AVEN: variants seen among roughly 807,000 people sequenced by gnomAD.
AVEN encodes the protein apoptosis and caspase activation inhibitor.
A neutral mutation model predicts 38.1 loss-of-function variants in AVEN; 41 were observed. The observed-to-expected ratio is 1.08, with a 90% CI of 0.84 to 1.40. The LOEUF is 1.40. Ranked by LOEUF, AVEN falls within the 40% of genes most tolerant of loss-of-function variation. The pLI is 0.00. For missense variants in AVEN, 605 were observed against 438.8 expected (o/e 1.38, Z -3.38); for synonymous variants, 206 against 171.8 (o/e 1.20, Z -1.56).
In AVEN at chr15:33,871,004, C is replaced by G. The variant is rs1421696016; in HGVS notation, c.543G>C (p.Glu181Asp). ...KQNSAFYVDSELLVRALQELP... is the reference protein window; with the variant it reads ...KQNSAFYVDSDLLVRALQELP... ...GCTCTTGAAGGGCTCGAACCAATAA[C>G]TCACTATCCACATAAAATGCTGAAT... is the stretch of plus-strand genomic sequence containing the variant. Residue 181 changes from glutamate to aspartate, a missense_variant, in exon 4 of 6, where the codon GAG (glutamate) becomes GAC (aspartate). Glu to Asp is a conservative substitution (Grantham distance 45). Coordinates refer to ENST00000306730, the MANE Select transcript of AVEN (RefSeq NM_020371.3). The G allele has an allele frequency of 4.4e-6, 7 of 1,603,702 alleles. No individual in the cohort carries two copies. The highest frequency in any genetic ancestry group is 6.0e-6 in the Non-Finnish European group (7 of 1,174,098).
At chr15:34,074,388 A>C (rs1372396926) in intron 1 of AVEN, among the ~76,000 whole-genome samples, 1 of 152,236 alleles carries the variant, frequency 6.6e-6, no homozygotes, top group Non-Finnish European at 1.5e-5. Flanking sequence ...CTAGGGCTCC[A>C]GCAACACAGT....
At chr15:33,861,237 G>A, downstream of AVEN, 5 of 1,249,486 alleles carry the variant, frequency 4.0e-6, no homozygotes, top group Non-Finnish European at 5.7e-6. Flanking sequence ...AGCCAATTAG[G>A]TCATATAGTT....
chr15:33,993,606 G>A (rs58108888), intron 2 of AVEN, among the ~76,000 whole-genome samples: 2,239 of 152,194 alleles, frequency 0.015, 66 homozygotes, highest in African/African-American at 0.052. Context: ...AAAGAGATCT[G>A]TAAAATAAAA....
chr15:33,900,596 C>T (rs1892451173), intron 2 of AVEN, among the ~76,000 whole-genome samples: 1 of 149,500 alleles, frequency 6.7e-6, no homozygotes, highest in South Asian at 2.1e-4. Flanking sequence ...TGTGAGCCAC[C>T]ATGCCTAGCC....
intron 2 of AVEN, among the ~76,000 whole-genome samples, chr15:33,906,158 ATT>A (rs1379168316): frequency 4.0e-5 from 6 of 151,810 alleles, no homozygotes; most frequent in Non-Finnish European, 8.8e-5. Context: ...GCTGGAGTGA[ATT>A]GTGTGTGCTT....
intron 5 of AVEN, among the ~76,000 whole-genome samples, chr15:34,061,333 A>G (rs1174175405): frequency 4.6e-5 from 7 of 152,248 alleles, no homozygotes; most frequent in East Asian, 3.8e-4. Context: ...TTAATTAAAT[A>G]TAGTACATCC....
chr15:34,075,181 CAAAAA>C (rs58860397), upstream of AVEN, among the ~76,000 whole-genome samples: 5 of 67,290 alleles, frequency 7.4e-5, no homozygotes, highest in South Asian at 1.7e-3. Context: ...GACTCTGGCT[CAAAAA>C]AAAAAAAAAA....
chr15:33,933,516 CACACACACAGAGAGAGAGAG>C (rs1456212458), intron 2 of AVEN, among the ~76,000 whole-genome samples: 3 of 120,046 alleles, frequency 2.5e-5, no homozygotes, highest in African/African-American at 9.9e-5. Context: ...CACACACACA[CACACACACAGAGAGAGAGAG>C]AGAGAGAGAG....
At chr15:33,860,383 A>G (rs939392577) in intron 11 of AVEN, among the ~76,000 whole-genome samples, 4 of 152,246 alleles carry the variant, frequency 2.6e-5, no homozygotes, top group Non-Finnish European at 5.9e-5. Flanking sequence ...AGTAGTTAAC[A>G]GCACTGCATG....
At chr15:33,966,461 C>A (rs541283577) in intron 2 of AVEN, among the ~76,000 whole-genome samples, 1 of 152,058 alleles carries the variant, frequency 6.6e-6, no homozygotes. Context: ...CATAACATGA[C>A]GTATGACAAG....
chr15:33,887,256 C>T (rs956455961), intron 2 of AVEN, among the ~76,000 whole-genome samples: 1 of 152,068 alleles, frequency 6.6e-6, no homozygotes. Flanking sequence ...TGAGAAATAG[C>T]TAGTTAATAA....
At chr15:34,015,436 C>T (rs561228959) in intron 1 of AVEN, among the ~76,000 whole-genome samples, 9 of 151,678 alleles carry the variant, frequency 5.9e-5, no homozygotes, top group Non-Finnish European at 1.2e-4. Context: ...GAGCCGAGAT[C>T]GCACCACTGC....
At chr15:34,004,895 A>AT (rs1458557411) in intron 1 of AVEN, among the ~76,000 whole-genome samples, 2 of 152,160 alleles carry the variant, frequency 1.3e-5, no homozygotes, top group Non-Finnish European at 2.9e-5. Context: ...CCCAAACATT[A>AT]CAAAATCCTT....
intron 2 of AVEN, among the ~76,000 whole-genome samples, chr15:33,933,318 T>C (rs1051987726): frequency 4.6e-5 from 7 of 152,026 alleles, no homozygotes; most frequent in East Asian, 1.9e-4. Context: ...AGTAACAAGG[T>C]TGTAAAACTC....
At chr15:33,872,864 C>T (rs952697147) in intron 3 of AVEN, among the ~76,000 whole-genome samples, 4 of 151,890 alleles carry the variant, frequency 2.6e-5, no homozygotes, top group Non-Finnish European at 4.4e-5. Context: ...TCTAAGAGAC[C>T]GACACCCCTG....
chr15:34,018,170 G>GGT (rs1355699306), intron 1 of AVEN: 1 of 152,178 alleles, frequency 6.6e-6, no homozygotes, highest in East Asian at 1.9e-4. Flanking sequence ...CCAAAAGAAG[G>GGT]CATTGTTACA....
chr15:33,953,674 AC>A (rs1326089303), intron 2 of AVEN, among the ~76,000 whole-genome samples: 1 of 152,218 alleles, frequency 6.6e-6, no homozygotes, highest in Non-Finnish European at 1.5e-5. Context: ...TAGACCTAAA[AC>A]CATAAAAACC....
chr15:34,018,577 T>C (rs144972930), intron 1 of AVEN: 4,450 of 152,442 alleles, frequency 0.029, 174 homozygotes, highest in African/African-American at 0.081. Context: ...TGGTGAGTGT[T>C]ACAGCTCATA....
chr15:33,893,821 A>G (rs1258285117), intron 2 of AVEN, among the ~76,000 whole-genome samples: 2 of 152,200 alleles, frequency 1.3e-5, no homozygotes, highest in Non-Finnish European at 1.5e-5. Flanking sequence ...CCAAATGTGC[A>G]ATAAATCAAA....
Sources: allele counts gnomAD v4.1 joint callset (sites outside exome capture counted in the v4.1 genomes callset), GRCh38; gene constraint gnomAD v4.1.1; transcripts MANE v1.5; gene names NCBI Gene and HGNC (gene_info 2026-07-23, HGNC 2026-07-21).